NT5C1B: variants seen among roughly 807,000 people sequenced by gnomAD.
NT5C1B encodes cytosolic 5'-nucleotidase 1B.
In NT5C1B, 44 loss-of-function variants were observed where a neutral mutation model predicts 57.8. That is an observed-to-expected ratio of 0.76 (90% CI 0.60 to 0.98). The LOEUF (loss-of-function observed/expected upper bound fraction) is 0.98. Ranked by LOEUF, NT5C1B falls within the 50% of genes least tolerant of loss-of-function variation. NT5C1B has a pLI of 0.00. For missense variants in NT5C1B, 742 were observed against 719.5 expected, an observed-to-expected ratio of 1.03 and a Z score of -0.36; for synonymous variants, 284 against 282.6, an observed-to-expected ratio of 1.00 and a Z score of -0.05.
At chr2:18,585,131 A>G (rs1292707760) in intron 3 of NT5C1B, 153 bp from the exon 4 acceptor site, 1 of 978,066 alleles carries the variant, frequency 1.0e-6, no homozygotes, top group East Asian at 2.4e-5. Flanking sequence ...GGACATTTCT[A>G]GGCCTCAGCT....
At chr2:18,565,617 T>C (rs546308212) in intron 8 of NT5C1B, among the ~76,000 whole-genome samples, 140 of 152,276 alleles carry the variant, frequency 9.2e-4, no homozygotes, top group African/African-American at 3.2e-3. Context: ...CAGATAATTA[T>C]TTCTTCATTT....
chr2:18,582,320 A>T (rs2148156441), intron 6 of NT5C1B, among the ~76,000 whole-genome samples: 1 of 152,364 alleles, frequency 6.6e-6, no homozygotes, highest in East Asian at 1.9e-4. Flanking sequence ...TAATTCAGGT[A>T]GTTCCATAAT....
At chr2:18,573,411 T>G (rs915802945) in intron 8 of NT5C1B, among the ~76,000 whole-genome samples, 2 of 151,526 alleles carry the variant, frequency 1.3e-5, no homozygotes, top group African/African-American at 2.4e-5. Context: ...AATTATAAAT[T>G]TTACTCTATA....
chr2:18,584,679 G>A lies in NT5C1B; in HGVS notation c.558C>T (p.Ser186=), dbSNP rs1480015960. ...CGGGGTAGATCCCCCTGCGCTGGCT[G>A]GAGGACTTCCACTCGGTGGGGGACG... The change falls in exon 4 of 9, where the codon TCC becomes TCT. Residue 186 remains serine (S), a synonymous_variant. Transcript: ENST00000304081. The surrounding 1 kb of genome is among the most constrained non-coding windows in gnomAD (Gnocchi z 5.8). 6.2e-7 allele frequency: 1 copy of A among 1,612,190 alleles called. No individual in the cohort carries two copies. Among genetic ancestry groups the A allele is most frequent in the Admixed American group, 1.7e-5 (1 of 59,934 alleles).
At position 18,576,242 on chromosome 2, in the gene NT5C1B, T is replaced by C. The variant is rs1273130658; in HGVS notation, c.1271A>G (p.His424Arg). 1.3e-5 allele frequency: 21 copies of C among 1,613,644 alleles called. No homozygotes were observed. The highest frequency in any genetic ancestry group is 1.7e-5 in the Non-Finnish European group (20 of 1,179,808). The change falls in exon 8 of 9, where the codon CAT becomes CGT. Residue 424 changes from histidine to arginine, a missense_variant. Physicochemically the swap from His to Arg is conservative, Grantham distance 29 (BLOSUM62 0). Coordinates refer to ENST00000304081, the Ensembl canonical transcript of NT5C1B. ...ATACTGGAAGAATTTGTCGAGCCCATGCTCCTTGGTAAAATGTTCAGACTC... is the reference window on the plus strand; with the variant it reads ...ATACTGGAAGAATTTGTCGAGCCCACGCTCCTTGGTAAAATGTTCAGACTC...
At chr2:18,582,782 T>C (rs1212651663) in intron 6 of NT5C1B, 86 bp downstream of exon 6, 1 of 1,538,186 alleles carries the variant, frequency 6.5e-7, no homozygotes, top group Non-Finnish European at 8.7e-7. Flanking sequence ...ACACTGCATT[T>C]GGTTAAGCCA....
chr2:18,587,733 T>TC (rs1278215803), intron 1 of NT5C1B, 141 bp from the exon 2 acceptor site: 7 of 835,586 alleles, frequency 8.4e-6, no homozygotes, highest in Admixed American at 3.3e-5. Context: ...GACCTTAGTT[T>TC]CCCCTGTTCT....
chr2:18,568,070 G>A (rs929761971), intron 8 of NT5C1B, among the ~76,000 whole-genome samples: 4 of 142,534 alleles, frequency 2.8e-5, no homozygotes, highest in Admixed American at 7.3e-5. Context: ...AAAGAGCAGA[G>A]CATTGAAATG....
intron 6 of NT5C1B, among the ~76,000 whole-genome samples, chr2:18,581,689 T>A (rs1666199928): frequency 6.6e-6 from 1 of 152,190 alleles, no homozygotes; most frequent in South Asian, 2.1e-4. Flanking sequence ...CCAGAAATTA[T>A]TTGGTGACAC....
At chr2:18,571,554 A>G (rs1665153948) in intron 8 of NT5C1B, among the ~76,000 whole-genome samples, 1 of 151,522 alleles carries the variant, frequency 6.6e-6, no homozygotes, top group Non-Finnish European at 1.5e-5. Flanking sequence ...GGACAGAAAG[A>G]CTTAATATTG....
chr2:18,583,786 A>G (rs987854506), intron 5 of NT5C1B: 24 of 566,906 alleles, frequency 4.2e-5, no homozygotes, highest in Non-Finnish European at 8.2e-5. Flanking sequence ...AGGATCATAA[A>G]CTCATTATGG....
chr2:18,565,759 A>G (rs1664587470), intron 8 of NT5C1B, among the ~76,000 whole-genome samples: 1 of 152,150 alleles, frequency 6.6e-6, no homozygotes, highest in East Asian at 1.9e-4. Flanking sequence ...TTGATAATTT[A>G]GCAGTTTTTA....
At position 18,584,853 on chromosome 2, in the gene NT5C1B, C is replaced by T. The variant is rs1221184201; in HGVS notation, c.384G>A (p.Ser128=). The change falls in exon 4 of 9, where the codon TCG becomes TCA. Residue 128 remains serine (S), a synonymous_variant. Coordinates refer to ENST00000304081, the Ensembl canonical transcript of NT5C1B. This position sits in a 1 kb window ranked among gnomAD's most constrained non-coding sequence, Gnocchi z 5.8. Reference sequence around the variant, plus strand: ...GGGGCGTGGGAGGCCGCGAGTCCAGCGACCGGGGCAGCTGGGGCGACGCGG... The same window carrying T: ...GGGGCGTGGGAGGCCGCGAGTCCAGTGACCGGGGCAGCTGGGGCGACGCGG... 1 of 1,606,560 alleles carries T rather than the reference C, an allele frequency of 6.2e-7. No individual in the cohort carries two copies.
In NT5C1B at chr2:18,584,643, C is replaced by A; in HGVS notation, c.594G>T (p.Gln198His). The A allele has an allele frequency of 6.2e-7, 1 of 1,613,102 alleles. No individual in the cohort carries two copies. The highest frequency in any genetic ancestry group is 8.5e-7 in the Non-Finnish European group (1 of 1,179,652). Residue 198 changes from glutamine (Q) to histidine (H), a missense_variant, in exon 4 of 9, where the codon CAG becomes CAT. Physicochemically the swap from Gln to His is conservative, Grantham distance 24. Transcript: ENST00000304081. This position sits in a 1 kb window ranked among gnomAD's most constrained non-coding sequence, Gnocchi z 5.8. Reference sequence around the variant, plus strand: ...GCTCGGACAGAGAGTTGCGGTCCAGCTGGGTGGAGGCGGGGTAGATCCCCC... The same window carrying A: ...GCTCGGACAGAGAGTTGCGGTCCAGATGGGTGGAGGCGGGGTAGATCCCCC...
intron 1 of NT5C1B, among the ~76,000 whole-genome samples, chr2:18,589,082 C>T (rs1666972009): frequency 6.6e-6 from 1 of 152,134 alleles, no homozygotes; most frequent in South Asian, 2.1e-4. Flanking sequence ...AATGAGTTGT[C>T]CTTTGTCTAT....
At position 18,586,314 on chromosome 2, in the gene NT5C1B, C is replaced by G. The variant is rs770834183; in HGVS notation, c.198G>C (p.Arg66=). The change falls in exon 3 of 9, where the codon CGG becomes CGC. Residue 66 remains arginine, a synonymous_variant. Transcript: ENST00000304081. ...TGGATGGAGCCTTGGTGGATGGGCT[C>G]CGGGATATTCTAGACCATTGACTGC... 28 of 1,614,140 alleles carry G rather than the reference C, an allele frequency of 1.7e-5. No homozygotes were observed. In the Middle Eastern group the frequency reaches 5.0e-4, roughly 29 times the overall value.
At chr2:18,570,744 GAAA>G (rs1665075183) in intron 8 of NT5C1B, among the ~76,000 whole-genome samples, 1 of 152,064 alleles carries the variant, frequency 6.6e-6, no homozygotes, top group Non-Finnish European at 1.5e-5. Context: ...TACAAGAGAA[GAAA>G]ACTGTAGAGG....
At chr2:18,567,220 G>T (rs2148079896) in intron 8 of NT5C1B, among the ~76,000 whole-genome samples, 1 of 152,170 alleles carries the variant, frequency 6.6e-6, no homozygotes, top group Non-Finnish European at 1.5e-5. Flanking sequence ...CTGCCACTGG[G>T]GGCAAAGACT....
At chr2:18,578,734 A>G (rs745375544) in intron 6 of NT5C1B, among the ~76,000 whole-genome samples, 2 of 152,144 alleles carry the variant, frequency 1.3e-5, no homozygotes, top group South Asian at 2.1e-4. Flanking sequence ...AAGAACTGCA[A>G]TCAGACAAGG....
Sources: allele counts gnomAD v4.1 joint callset (sites outside exome capture counted in the v4.1 genomes callset), GRCh38; gene constraint gnomAD v4.1.1; non-coding constraint Gnocchi (gnomAD v3.1); transcripts MANE v1.5; gene names NCBI Gene and HGNC (gene_info 2026-07-23, HGNC 2026-07-21).